Variants in CENPP observed in about 807,000 individuals in gnomAD.
The protein encoded by CENPP is centromere protein P.
A neutral mutation model predicts 35.6 loss-of-function variants in CENPP; 24 were observed. The observed-to-expected ratio is 0.67, with a 90% CI of 0.49 to 0.95. The LOEUF is 0.95. Ranked by LOEUF, CENPP falls within the 40% of genes least tolerant of loss-of-function variation. CENPP has a pLI of 0.00. For synonymous variants in CENPP, 120 were observed against 125.5 expected (o/e 0.96, Z 0.29); for missense variants, 332 against 345.3 (o/e 0.96, Z 0.31).
intron 5 of CENPP, among the ~76,000 whole-genome samples, chr9:92,567,975 A>G (rs1386987683): frequency 2.0e-5 from 3 of 152,258 alleles, no homozygotes; most frequent in African/African-American, 7.2e-5. Context: ...AAATTGCAAA[A>G]TGACAAAAGT....
intron 1 of CENPP, among the ~76,000 whole-genome samples, chr9:92,328,233 C>A (rs1168647695): frequency 6.6e-6 from 1 of 152,062 alleles, no homozygotes; most frequent in Admixed American, 6.5e-5. Context: ...AATGTCAGTC[C>A]AGGGTGTTTG....
At chr9:92,527,392 T>C (rs1257948271) in intron 5 of CENPP, among the ~76,000 whole-genome samples, 2 of 152,218 alleles carry the variant, frequency 1.3e-5, no homozygotes, top group Non-Finnish European at 2.9e-5. Flanking sequence ...TACAGGTTTG[T>C]AGCCTAGGAG....
intron 5 of CENPP, among the ~76,000 whole-genome samples, chr9:92,568,969 T>C (rs1054535573): frequency 6.6e-6 from 1 of 152,246 alleles, no homozygotes; most frequent in Non-Finnish European, 1.5e-5. Flanking sequence ...ACTTTGTAGA[T>C]TCTGGATATT....
chr9:92,385,679 C>T, intron 5 of CENPP: 1 of 1,614,048 alleles, frequency 6.2e-7, no homozygotes, highest in Non-Finnish European at 8.5e-7. Flanking sequence ...GGATGCTTTC[C>T]CAGGACGATT....
intron 4 of CENPP, among the ~76,000 whole-genome samples, chr9:92,373,148 C>T (rs1842047464): frequency 6.6e-6 from 1 of 152,078 alleles, no homozygotes; most frequent in African/African-American, 2.4e-5. Context: ...TTTGGCCATG[C>T]ACAGTAGCTC....
At chr9:92,608,506 G>A (rs1253227921) in intron 5 of CENPP, among the ~76,000 whole-genome samples, 7 of 152,110 alleles carry the variant, frequency 4.6e-5, no homozygotes, top group South Asian at 4.1e-4. Flanking sequence ...TGTGCTGACC[G>A]TAGGCCTAAT....
chr9:92,451,598 T>G (rs1314409240), intron 5 of CENPP, among the ~76,000 whole-genome samples: 1 of 152,216 alleles, frequency 6.6e-6, no homozygotes, highest in East Asian at 1.9e-4. Flanking sequence ...TTTGGTTCCA[T>G]ATAAACTTTA....
intron 5 of CENPP, among the ~76,000 whole-genome samples, chr9:92,413,789 T>C (rs1473989957): frequency 6.6e-6 from 1 of 152,232 alleles, no homozygotes; most frequent in Non-Finnish European, 1.5e-5. Context: ...ATATTCATCC[T>C]GGATTCTTGA....
At chr9:92,432,304 G>A (rs909141246) in intron 5 of CENPP, among the ~76,000 whole-genome samples, 5 of 151,238 alleles carry the variant, frequency 3.3e-5, no homozygotes, top group Non-Finnish European at 7.4e-5. Flanking sequence ...CAGCCTGGGC[G>A]ACAAGAGCGA....
chr9:92,423,727 C>G (rs1187925524), intron 5 of CENPP, among the ~76,000 whole-genome samples: 1 of 152,044 alleles, frequency 6.6e-6, no homozygotes, highest in Admixed American at 6.6e-5. Flanking sequence ...GAAAAACATT[C>G]TATATCAGGG....
At chr9:92,358,885 G>T (rs1373951434) in intron 4 of CENPP, among the ~76,000 whole-genome samples, 1 of 146,904 alleles carries the variant, frequency 6.8e-6, no homozygotes, top group East Asian at 2.0e-4. Context: ...CAGGGATGCT[G>T]TCTATTCATT....
At chr9:92,531,526 C>T (rs954533747) in intron 5 of CENPP, among the ~76,000 whole-genome samples, 2 of 152,022 alleles carry the variant, frequency 1.3e-5, no homozygotes, top group South Asian at 2.1e-4. Context: ...TAACGTTTTG[C>T]GCCAGATAAT....
intron 5 of CENPP, chr9:92,460,636 T>C: frequency 9.7e-7 from 1 of 1,034,252 alleles, no homozygotes; most frequent in Non-Finnish European, 1.4e-6. Context: ...TGTTTACTTT[T>C]CAAGTTTCAG....
chr9:92,555,870 T>G (rs1365670601), intron 5 of CENPP, among the ~76,000 whole-genome samples: 1 of 152,222 alleles, frequency 6.6e-6, no homozygotes, highest in Admixed American at 6.5e-5. Flanking sequence ...TTTGTATTTT[T>G]TTGTTGTTGT....
At position 92,403,737 on chromosome 9, in the gene CENPP, A is replaced by G. The variant is rs940874827; in HGVS notation, c.564+23878A>G. On this transcript the variant is annotated intron_variant, in intron 5 of 7. Transcript: ENST00000375587. Reference sequence around the variant, plus strand: ...TTAAGTGCCTTCAGCAGACATACTAATATTTAATTGAAATATTCTTAGGAT... The same window carrying G: ...TTAAGTGCCTTCAGCAGACATACTAGTATTTAATTGAAATATTCTTAGGAT... The G allele has an allele frequency of 5.6e-6, 4 of 713,662 alleles. No individual in the cohort carries two copies. The African/African-American group carries it at 7.6e-5, about 14-fold the overall frequency. The allele number at this position is 713,662 out of a possible 1,614,324, so 44.2% of individuals were successfully genotyped here. A position where few individuals can be genotyped will look rare whatever the true frequency, so the allele number is the denominator to read the frequency against.
Position 92,596,445 on chromosome 9 carries a change from CAAAAAAAAAA to C in CENPP, c.565-14853_565-14844del, listed in dbSNP as rs60383394. ...TAGGCAACATAGTAAGACCCTGTGT[CAAAAAAAAAA>C]AAAAAAAAAAAAAAAGAAAGAATAG... On this transcript the variant is annotated intron_variant, in intron 5 of 7. Transcript: ENST00000375587. 2.5e-3 allele frequency among the ~76,000 whole-genome samples: 178 copies of C among 72,026 alleles called. 2 individuals carry two copies. The highest frequency in any genetic ancestry group is 6.8e-3 in the Admixed American group (36 of 5,268). The allele number at this position is 72,026 out of a possible 152,430, so 47.3% of individuals were successfully genotyped here.
intron 3 of CENPP, among the ~76,000 whole-genome samples, chr9:92,344,978 A>G (rs1350484403): frequency 6.6e-6 from 1 of 151,148 alleles, no homozygotes; most frequent in Non-Finnish European, 1.5e-5. Context: ...ACCGCCTGGC[A>G]CGGTGGCTCA....
intron 3 of CENPP, among the ~76,000 whole-genome samples, chr9:92,344,489 A>G (rs1424024554): frequency 6.6e-6 from 1 of 151,934 alleles, no homozygotes; most frequent in Non-Finnish European, 1.5e-5. Context: ...TTTTTTAAAG[A>G]TGTAATTTAT....
intron 5 of CENPP, among the ~76,000 whole-genome samples, chr9:92,431,353 G>A (rs868060904): frequency 6.6e-6 from 1 of 152,170 alleles, no homozygotes; most frequent in Admixed American, 6.5e-5. Flanking sequence ...GGCATTTGAT[G>A]TGGATAAGGG....
Sources: allele counts gnomAD v4.1 joint callset (sites outside exome capture counted in the v4.1 genomes callset), GRCh38; gene constraint gnomAD v4.1.1; transcripts MANE v1.5; gene names NCBI Gene and HGNC (gene_info 2026-07-23, HGNC 2026-07-21).